TSGA10IP: variants seen among roughly 807,000 people sequenced by gnomAD.
TSGA10IP encodes testis-specific protein 10-interacting protein.
In TSGA10IP, 64 loss-of-function variants were observed where a neutral mutation model predicts 63.2. The observed-to-expected ratio is 1.01, with a 90% confidence interval of 0.83 to 1.25. The LOEUF is 1.25. TSGA10IP is among the 50% of genes most tolerant of loss of function. The pLI, the probability that TSGA10IP is intolerant of heterozygous loss-of-function variation, is 0.00. For synonymous variants in TSGA10IP, 316 were observed against 298.3 expected (o/e 1.06, Z -0.61); for missense variants, 681 against 710.1 (o/e 0.96, Z 0.47).
chr11:65,947,807 C>A lies in TSGA10IP; in HGVS notation c.982C>A (p.Leu328Ile), dbSNP rs746224120. The change falls in exon 3 of 8, where the codon CTA becomes ATA. Residue 328 changes from leucine (L) to isoleucine (I), a missense_variant. Leu to Ile is a conservative substitution (Grantham distance 5). Transcript: ENST00000532620. The stretch of plus-strand genomic sequence containing the variant: ...GGACCTGGAGAAGCTGCACAGGCAG[C>A]TACAGAGAGACCTGGACTGTGGTGA... The A allele has an allele frequency of 6.0e-5, 94 of 1,568,346 alleles. No homozygotes were observed. Among genetic ancestry groups the A allele is most frequent in the Non-Finnish European group, 7.6e-5 (88 of 1,157,044 alleles).
At chr11:65,956,135 C>CTTTT (rs1357746313) in intron 5 of TSGA10IP, among the ~76,000 whole-genome samples, 1 of 109,148 alleles carries the variant, frequency 9.2e-6, no homozygotes. Context: ...GAGGCTCAGT[C>CTTTT]TTTTTTTTTT....
chr11:65,959,644 C>A (rs550929344), intron 7 of TSGA10IP, among the ~76,000 whole-genome samples, 173 bp from the exon 8 acceptor site: 1 of 152,158 alleles, frequency 6.6e-6, no homozygotes, highest in African/African-American at 2.4e-5. Flanking sequence ...TACAGAGCAG[C>A]GATTATGAAG....
At chr11:65,957,000 G>A (rs571105545) in intron 5 of TSGA10IP, among the ~76,000 whole-genome samples, 7 of 152,140 alleles carry the variant, frequency 4.6e-5, no homozygotes, top group East Asian at 1.9e-4. Context: ...TATGAACTTC[G>A]CTGTCTGAGC....
chr11:65,953,642 G>A (rs778152992), exon 5 of TSGA10IP: 7 of 1,591,560 alleles, frequency 4.4e-6, no homozygotes, highest in East Asian at 2.3e-5. Context: ...CCCGGACACA[G>A]CATGTACAGC....
At chr11:65,950,823 A>T (rs898037373) in intron 4 of TSGA10IP, among the ~76,000 whole-genome samples, 1 of 152,028 alleles carries the variant, frequency 6.6e-6, no homozygotes, top group Non-Finnish European at 1.5e-5. Flanking sequence ...CAGCCTCCCA[A>T]GGTGCTGGGA....
intron 7 of TSGA10IP, 46 bp downstream of exon 7, chr11:65,959,360 C>G: frequency 6.3e-7 from 1 of 1,595,984 alleles, no homozygotes; most frequent in South Asian, 1.1e-5. Context: ...CATGCTGCTG[C>G]GGGAAGGGGC....
rs7927827 is a variant in TSGA10IP at position 65,947,707 on chromosome 11, G to C, written c.882G>C (p.Gly294=). ...GAGAAGTGCAGGGCCAGAGCCAGGG[G>C]AGCAGCCCCAGCTTCAACAACCTCC... The change falls in exon 3 of 8, where the codon GGG becomes GGC. Residue 294 remains glycine, a synonymous_variant. Transcript: ENST00000532620. The C allele has an allele frequency of 3.1e-6, 5 of 1,597,948 alleles. No individual in the cohort carries two copies. The Admixed American group carries it at 8.9e-5, about 28-fold the overall frequency.
intron 1 of TSGA10IP, 141 bp downstream of exon 1, chr11:65,945,963 G>A: frequency 5.7e-6 from 6 of 1,045,254 alleles, no homozygotes; most frequent in Non-Finnish European, 8.3e-6. Context: ...GTGGGACAGG[G>A]ACCACAGGGA....
exon 1 of TSGA10IP, chr11:65,945,793 C>T (rs1251009570): frequency 5.0e-6 from 8 of 1,613,856 alleles, no homozygotes. Context: ...GCTGCTCAAG[C>T]TGCTGTCGAC....
chr11:65,953,784 G>A, intron 5 of TSGA10IP, 47 bp downstream of exon 5: 1 of 1,418,420 alleles, frequency 7.1e-7, no homozygotes, highest in Non-Finnish European at 9.2e-7. Context: ...AGGGCAGGGA[G>A]GCCGTGTCAG....
exon 3 of TSGA10IP, chr11:65,947,544 G>A: frequency 1.9e-6 from 3 of 1,613,870 alleles, no homozygotes; most frequent in East Asian, 2.2e-5. Flanking sequence ...CGCCCCAGGA[G>A]GGGGTCGATC....
In TSGA10IP at chr11:65,948,315, T is replaced by TCCATCCAC. The variant is rs572156611; in HGVS notation, c.1151+170_1151+171insTCCACCCA. 7.6e-4 allele frequency among the ~76,000 whole-genome samples: 114 copies of TCCATCCAC among 150,626 alleles called. 1 individual carries two copies. Among genetic ancestry groups the TCCATCCAC allele is most frequent in the East Asian group, 2.9e-3 (15 of 5,102 alleles). ...ATCCATCCATCCATCCATCCATCCA[T>TCCATCCAC]CCACCCATCCATCCATCTATCCAAC... On this transcript the variant is annotated intron_variant, in intron 4 of 7. Coordinates refer to ENST00000532620, the Ensembl canonical transcript of TSGA10IP.
At chr11:65,949,498 C>A (rs956177126) in intron 4 of TSGA10IP, among the ~76,000 whole-genome samples, 8 of 151,248 alleles carry the variant, frequency 5.3e-5, no homozygotes, top group East Asian at 1.9e-4. Context: ...CTCACTGCAA[C>A]CTCCGACTCC....
exon 3 of TSGA10IP, chr11:65,947,505 G>C (rs944959419): frequency 6.2e-7 from 1 of 1,613,248 alleles, no homozygotes; most frequent in Non-Finnish European, 8.5e-7. Context: ...GAGGCCGAGA[G>C]GGGTCTGAGT....
exon 3 of TSGA10IP, chr11:65,947,605 G>A (rs1854862827): frequency 1.2e-6 from 2 of 1,613,730 alleles, no homozygotes; most frequent in Non-Finnish European, 1.7e-6. Flanking sequence ...AGGAGGGAGA[G>A]CACAGGACTC....
In TSGA10IP at chr11:65,953,088, T is replaced by C. The variant is rs900211610; in HGVS notation, c.1152-479T>C. On this transcript the variant is annotated intron_variant, in intron 4 of 7. Coordinates refer to ENST00000532620, the Ensembl canonical transcript of TSGA10IP. Reference sequence around the variant, plus strand: ...TCTTGTTGCCCAGGCTGGAGTACAATGGCGTGGTCTCGGCTCACTACAACC... The same window carrying C: ...TCTTGTTGCCCAGGCTGGAGTACAACGGCGTGGTCTCGGCTCACTACAACC... Among the ~76,000 whole-genome samples the C allele has an allele frequency of 2.0e-5, 3 of 149,394 alleles. No individual in the cohort carries two copies. The South Asian group carries it at 6.4e-4, about 32-fold the overall frequency.
At chr11:65,955,934 CAT>C (rs781511080) in intron 5 of TSGA10IP, among the ~76,000 whole-genome samples, 8 of 152,170 alleles carry the variant, frequency 5.3e-5, no homozygotes, top group Non-Finnish European at 1.2e-4. Context: ...ACCAATGACA[CAT>C]GTAACACAAA....
exon 4 of TSGA10IP, chr11:65,948,140 A>G: frequency 6.2e-7 from 1 of 1,603,694 alleles, no homozygotes; most frequent in Non-Finnish European, 8.5e-7. Flanking sequence ...AACGACAGGA[A>G]GCCACCAGGT....
chr11:65,952,973 G>T (rs1854964874), intron 4 of TSGA10IP, among the ~76,000 whole-genome samples: 1 of 151,372 alleles, frequency 6.6e-6, no homozygotes, highest in South Asian at 2.1e-4. Context: ...GGATAATATG[G>T]ACATTTTAAC....
Sources: allele counts gnomAD v4.1 joint callset (sites outside exome capture counted in the v4.1 genomes callset), GRCh38; gene constraint gnomAD v4.1.1; transcripts MANE v1.5; gene names NCBI Gene and HGNC (gene_info 2026-07-23, HGNC 2026-07-21).